The following MITF variants were observed in gnomAD, a reference collection of about 807,000 sequenced individuals.
MITF encodes the protein microphthalmia-associated transcription factor.
Under a neutral mutation model 60.5 loss-of-function variants are expected in MITF, and 17 were observed. That is an observed-to-expected ratio of 0.28 (90% confidence interval 0.19 to 0.42). The LOEUF is 0.42. MITF is among the 10% of genes least tolerant of loss of function. The pLI, the probability that MITF is intolerant of heterozygous loss-of-function variation, is 1.00. For synonymous variants in MITF, 260 were observed against 248.5 expected, an observed-to-expected ratio of 1.05 and a Z score of -0.43; for missense variants, 622 against 683.5, an observed-to-expected ratio of 0.91 and a Z score of 1.00.
intron 2 of MITF, among the ~76,000 whole-genome samples, chr3:69,891,823 G>T (rs1239589566): frequency 6.6e-6 from 1 of 152,164 alleles, no homozygotes; most frequent in Non-Finnish European, 1.5e-5. Context: ...TTGCTCAGTG[G>T]AAGATGCAAA....
At chr3:69,906,780 T>A (rs1056162627) in intron 2 of MITF, among the ~76,000 whole-genome samples, 9 of 152,166 alleles carry the variant, frequency 5.9e-5, no homozygotes, top group Admixed American at 2.0e-4. Context: ...GGTTTTTGTT[T>A]GTTTATTGTG....
chr3:69,845,589 G>A (rs1419345409), intron 1 of MITF, among the ~76,000 whole-genome samples: 3 of 151,928 alleles, frequency 2.0e-5, no homozygotes, highest in Non-Finnish European at 2.9e-5. Context: ...CATACAATTT[G>A]GGATTTCCAT....
chr3:69,902,850 CT>C lies in MITF; in HGVS notation c.354+23476del, dbSNP rs1202506883. 4.1e-5 allele frequency among the ~76,000 whole-genome samples: 6 copies of C among 148,028 alleles called. No individual in the cohort carries two copies. The South Asian group carries it at 6.5e-4, about 16-fold the overall frequency. ...ACCTCTGAAACATTTTAATGTCTGC[CT>C]TTTTTTTTAAGGTAAAATGCAGAAA... is the stretch of plus-strand genomic sequence containing the variant. On this transcript the variant is annotated intron_variant, in intron 2 of 9. Transcript: ENST00000352241.
intron 1 of MITF, among the ~76,000 whole-genome samples, chr3:69,870,291 T>TG (rs2064202001): frequency 3.4e-5 from 5 of 147,868 alleles, no homozygotes; most frequent in African/African-American, 7.7e-5. Flanking sequence ...CGTGTGTGTG[T>TG]TTATATATAT....
Position 69,941,307 on chromosome 3 carries a change from T to C in MITF, c.738T>C (p.Asp246=), listed in dbSNP as rs372810045. Residue 246 remains aspartate, a synonymous_variant, in exon 5 of 10, where the codon GAT becomes GAC. Transcript: ENST00000352241. ...SYNEEILGLM[D]PALQMANTLP... ...ATGAGGAAATCTTGGGCTTGATGGA[T>C]CCTGCTTTGCAAATGGCAAATACGG... 4.3e-6 allele frequency: 7 copies of C among 1,612,896 alleles called. No homozygotes were observed. Among genetic ancestry groups the C allele is most frequent in the Admixed American group, 1.7e-5 (1 of 59,986 alleles).
At chr3:69,767,049 AATAG>A (rs1166017386) in intron 1 of MITF, among the ~76,000 whole-genome samples, 1 of 152,218 alleles carries the variant, frequency 6.6e-6, no homozygotes, top group East Asian at 1.9e-4. Context: ...CAGATATATT[AATAG>A]ATAGAACTTA....
In MITF at chr3:69,895,080, T is replaced by C. The variant is rs2064845837; in HGVS notation, c.354+15697T>C. On this transcript the variant is annotated intron_variant, in intron 2 of 9. Coordinates refer to ENST00000352241, the MANE Select transcript of MITF (RefSeq NM_001354604.2). ...CTCCTAGCCTGGACTTTCAGTGAAT[T>C]ATCTCCTTTTTCCTGGAGAATCGCC... 2.0e-5 allele frequency among the ~76,000 whole-genome samples: 3 copies of C among 152,176 alleles called. 1 individual carries two copies. In the South Asian group the frequency reaches 6.2e-4, roughly 32 times the overall value.
At chr3:69,751,553 ATTTTTT>A (rs35447609) in intron 1 of MITF, among the ~76,000 whole-genome samples, 1 of 122,838 alleles carries the variant, frequency 8.1e-6, no homozygotes, top group African/African-American at 3.0e-5. Flanking sequence ...AAGCATTTTG[ATTTTTT>A]TTTTTTTTTT....
chr3:69,842,771 C>A (rs907970885), intron 1 of MITF, among the ~76,000 whole-genome samples: 1 of 152,008 alleles, frequency 6.6e-6, no homozygotes, highest in Non-Finnish European at 1.5e-5. Context: ...TGAAAAAAAG[C>A]TGCACTAGCT....
chr3:69,919,891 G>A (rs2065423970), intron 2 of MITF, among the ~76,000 whole-genome samples: 1 of 152,036 alleles, frequency 6.6e-6, no homozygotes, highest in East Asian at 1.9e-4. Context: ...TGGGCAGCAA[G>A]CCACCCAGGC....
At chr3:69,896,723 T>C (rs1301738793) in intron 2 of MITF, among the ~76,000 whole-genome samples, 16 of 152,210 alleles carry the variant, frequency 1.1e-4, no homozygotes, top group Non-Finnish European at 2.4e-4. Context: ...CATAAACACC[T>C]GAACCAACCT....
intron 3 of MITF, chr3:69,938,558 G>A (rs2065898271): frequency 3.6e-6 from 5 of 1,398,776 alleles, no homozygotes; most frequent in Non-Finnish European, 4.6e-6. Flanking sequence ...GACTTTAACG[G>A]AAACGCAAAG....
chr3:69,821,387 C>G (rs1404355229), intron 1 of MITF, among the ~76,000 whole-genome samples: 1 of 152,088 alleles, frequency 6.6e-6, no homozygotes. Flanking sequence ...CCCCCAACCC[C>G]CTAAGCTTGA....
chr3:69,894,888 A>T (rs1471773591), intron 2 of MITF, among the ~76,000 whole-genome samples: 1 of 152,168 alleles, frequency 6.6e-6, no homozygotes, highest in Non-Finnish European at 1.5e-5. Flanking sequence ...CTATCTTCAG[A>T]TAAGACCAGA....
chr3:69,774,546 A>C (rs1292844414), intron 1 of MITF, among the ~76,000 whole-genome samples: 1 of 152,166 alleles, frequency 6.6e-6, no homozygotes, highest in African/African-American at 2.4e-5. Context: ...GTGGAGCCCT[A>C]GTCATTTTAT....
At chr3:69,891,728 G>A (rs1414308547) in intron 2 of MITF, among the ~76,000 whole-genome samples, 1 of 152,162 alleles carries the variant, frequency 6.6e-6, no homozygotes, top group Non-Finnish European at 1.5e-5. Context: ...AAGAGTTATG[G>A]CAAATCTCCA....
At chr3:69,783,516 T>C (rs924376797) in intron 1 of MITF, among the ~76,000 whole-genome samples, 4 of 149,608 alleles carry the variant, frequency 2.7e-5, no homozygotes, top group African/African-American at 7.3e-5. Flanking sequence ...TTTATATATT[T>C]AATAAAGGAG....
At chr3:69,911,069 C>T (rs1211491739) in intron 2 of MITF, among the ~76,000 whole-genome samples, 1 of 152,016 alleles carries the variant, frequency 6.6e-6, no homozygotes, top group Non-Finnish European at 1.5e-5. Context: ...GTAATTGAAT[C>T]ATGGGGGGCC....
intron 1 of MITF, among the ~76,000 whole-genome samples, chr3:69,862,743 T>C (rs2064039133): frequency 6.6e-6 from 1 of 152,178 alleles, no homozygotes; most frequent in South Asian, 2.1e-4. Flanking sequence ...TTACTTTAAA[T>C]CCCATTTTAG....
Sources: gnomAD v4.1 joint callset for allele counts (sites outside exome capture counted in the v4.1 genomes callset) on GRCh38, gnomAD v4.1.1 for gene constraint, MANE v1.5 for transcripts, NCBI Gene and HGNC (gene_info 2026-07-23, HGNC 2026-07-21) for gene names.